Variants in SMC5 observed in about 807,000 individuals in gnomAD.
SMC5 encodes structural maintenance of chromosomes protein 5.
Under a neutral mutation model 148.3 loss-of-function variants are expected in SMC5, and 88 were observed. That is an observed-to-expected ratio of 0.59 (90% CI 0.50 to 0.71). The LOEUF (loss-of-function observed/expected upper bound fraction) is 0.71. SMC5 is among the 30% of genes least tolerant of loss of function. The probability of loss-of-function intolerance (pLI) is 0.00; values close to 1 mark genes in which losing one functional copy is unlikely to be tolerated. For synonymous variants in SMC5, 421 were observed against 432.8 expected (o/e 0.97, Z 0.34); for missense variants, 1,142 against 1,298.9 (o/e 0.88, Z 1.86).
At chr9:70,330,259 T>C (rs1045201534) in intron 17 of SMC5, among the ~76,000 whole-genome samples, 2 of 152,198 alleles carry the variant, frequency 1.3e-5, no homozygotes, top group Non-Finnish European at 2.9e-5. Context: ...GCAGTATTCC[T>C]AGCCTCTGCC....
At chr9:70,322,764 A>G (rs960811224) in intron 15 of SMC5, among the ~76,000 whole-genome samples, 1 of 152,148 alleles carries the variant, frequency 6.6e-6, no homozygotes, top group South Asian at 2.1e-4. Flanking sequence ...TGAGCTGGGA[A>G]GTGGAAGTTG....
At chr9:70,277,843 T>C (rs932221391) in intron 4 of SMC5, among the ~76,000 whole-genome samples, 1 of 151,546 alleles carries the variant, frequency 6.6e-6, no homozygotes, top group African/African-American at 2.4e-5. Context: ...ATATTTGATA[T>C]AATAAAACTC....
In SMC5 at chr9:70,305,245, A is replaced by T; in HGVS notation, c.1465-2A>T. 1 of 1,394,954 alleles carries T rather than the reference A, an allele frequency of 7.2e-7. No homozygotes were observed. The highest frequency in any genetic ancestry group is 1.0e-6 in the Non-Finnish European group (1 of 992,698). 86.4% of individuals were successfully genotyped at this position (1,394,954 alleles called of 1,614,324 possible). A position where few individuals can be genotyped will look rare whatever the true frequency, so the allele number is the denominator to read the frequency against. The stretch of plus-strand genomic sequence containing the variant: ...TCGACCTTTTTTTGCTTGTTTGTTT[A>T]GATCAATATGAAAGATAATAAAAAT... On this transcript the variant is annotated splice_acceptor_variant, in intron 10 of 24. Coordinates refer to ENST00000361138, the MANE Select transcript of SMC5 (RefSeq NM_015110.4). LOFTEE classifies it high-confidence loss of function.
At chr9:70,303,236 GA>G (rs1034023791) in intron 10 of SMC5, among the ~76,000 whole-genome samples, 88 of 141,156 alleles carry the variant, frequency 6.2e-4, no homozygotes, top group Non-Finnish European at 8.9e-4. Context: ...TCAAAAAATA[GA>G]AAAAAAAAAA....
intron 9 of SMC5, among the ~76,000 whole-genome samples, chr9:70,298,829 T>A (rs1011469890): frequency 6.6e-6 from 1 of 151,862 alleles, no homozygotes; most frequent in African/African-American, 2.4e-5. Context: ...TTTTAACTCT[T>A]TAAGAAGATT....
At chr9:70,287,296 G>A (rs2034931839) in intron 8 of SMC5, among the ~76,000 whole-genome samples, 1 of 151,250 alleles carries the variant, frequency 6.6e-6, no homozygotes, top group Non-Finnish European at 1.5e-5. Context: ...TCTTACTTTG[G>A]TTTCTTGCTT....
intron 9 of SMC5, among the ~76,000 whole-genome samples, chr9:70,298,490 A>T (rs1309459479): frequency 6.6e-6 from 1 of 152,052 alleles, no homozygotes; most frequent in Non-Finnish European, 1.5e-5. Flanking sequence ...TTCTTTACAA[A>T]GTCACTCACT....
intron 8 of SMC5, among the ~76,000 whole-genome samples, chr9:70,286,964 G>T (rs781438314): frequency 6.6e-6 from 1 of 152,094 alleles, no homozygotes; most frequent in Non-Finnish European, 1.5e-5. Flanking sequence ...CTATCCACCT[G>T]CCTTGGCTTC....
intron 15 of SMC5, among the ~76,000 whole-genome samples, chr9:70,319,255 A>G (rs980197244): frequency 6.6e-6 from 1 of 152,206 alleles, no homozygotes; most frequent in Non-Finnish European, 1.5e-5. Context: ...GATATTTACC[A>G]TATTAGAAAT....
chr9:70,339,058 G>T (rs1334179561), intron 17 of SMC5, among the ~76,000 whole-genome samples: 1 of 152,074 alleles, frequency 6.6e-6, no homozygotes, highest in African/African-American at 2.4e-5. Flanking sequence ...CTTTTGTAAG[G>T]TTCTTTCATT....
chr9:70,342,877 T>C (rs1271825169), intron 17 of SMC5, among the ~76,000 whole-genome samples: 2 of 152,220 alleles, frequency 1.3e-5, no homozygotes, highest in Non-Finnish European at 2.9e-5. Context: ...TTGAGGCTCA[T>C]ATGCCTTAAA....
chr9:70,297,865 C>A, intron 8 of SMC5, 101 bp from the exon 9 acceptor site: 1 of 1,325,552 alleles, frequency 7.5e-7, no homozygotes, highest in Non-Finnish European at 1.0e-6. Flanking sequence ...AGGAAAACAC[C>A]TATGTTAGAT....
At chr9:70,271,912 C>A (rs539098883) in intron 3 of SMC5, among the ~76,000 whole-genome samples, 5 of 152,148 alleles carry the variant, frequency 3.3e-5, no homozygotes, top group African/African-American at 4.8e-5. Context: ...GGAAGTCAAG[C>A]CTGTATTCAT....
intron 3 of SMC5, among the ~76,000 whole-genome samples, chr9:70,269,639 C>A (rs2034391289): frequency 6.6e-6 from 1 of 151,978 alleles, no homozygotes; most frequent in African/African-American, 2.4e-5. Flanking sequence ...ACATTTGATA[C>A]AATTACAATG....
intron 3 of SMC5, among the ~76,000 whole-genome samples, chr9:70,275,555 C>A (rs113686825): frequency 3.7e-4 from 57 of 152,118 alleles, no homozygotes; most frequent in African/African-American, 1.3e-3. Context: ...AGTAATCATT[C>A]TCTTTTTCTC....
intron 15 of SMC5, among the ~76,000 whole-genome samples, chr9:70,319,196 A>T (rs973146196): frequency 6.6e-6 from 1 of 152,208 alleles, no homozygotes; most frequent in Admixed American, 6.5e-5. Context: ...TATGCTTAAA[A>T]ATTAATGAGG....
chr9:70,261,360 G>A (rs2034126792), intron 1 of SMC5, among the ~76,000 whole-genome samples: 1 of 152,194 alleles, frequency 6.6e-6, no homozygotes, highest in Non-Finnish European at 1.5e-5. Flanking sequence ...ACGAAGGCAA[G>A]AGATGATCAG....
intron 17 of SMC5, among the ~76,000 whole-genome samples, chr9:70,342,270 G>A (rs922396795): frequency 3.4e-5 from 5 of 147,390 alleles, no homozygotes; most frequent in Non-Finnish European, 7.5e-5. Context: ...GGATAGCATT[G>A]GGAGATATAC....
chr9:70,265,556 C>T (rs979827232), intron 2 of SMC5, among the ~76,000 whole-genome samples: 4 of 152,076 alleles, frequency 2.6e-5, no homozygotes, highest in African/African-American at 9.7e-5. Context: ...TCTAAACTCT[C>T]ATTAAATTAT....
Sources: gnomAD v4.1 joint callset for allele counts (sites outside exome capture counted in the v4.1 genomes callset) on GRCh38, gnomAD v4.1.1 for gene constraint, MANE v1.5 for transcripts, NCBI Gene and HGNC (gene_info 2026-07-23, HGNC 2026-07-21) for gene names.